Variants in XRCC4 observed in about 807,000 individuals in gnomAD.
XRCC4 encodes X-ray repair cross complementing 4.
A neutral mutation model predicts 39.1 loss-of-function variants in XRCC4; 28 were observed. That is an observed-to-expected ratio of 0.72 (90% CI 0.53 to 0.98). The LOEUF (loss-of-function observed/expected upper bound fraction) is 0.98, where lower values mean the gene tolerates loss of function less well. Among genes scored for constraint, XRCC4 ranks in the 50% least tolerant of loss-of-function variants. The probability of loss-of-function intolerance (pLI) is 0.00; values close to 1 mark genes in which losing one functional copy is unlikely to be tolerated. For synonymous variants in XRCC4, 123 were observed against 126.4 expected, an observed-to-expected ratio of 0.97 and a Z score of 0.18; for missense variants, 350 against 376.4, an observed-to-expected ratio of 0.93 and a Z score of 0.58.
At chr5:83,192,929 T>C (rs1233173399) in intron 3 of XRCC4, among the ~76,000 whole-genome samples, 1 of 152,182 alleles carries the variant, frequency 6.6e-6, no homozygotes, top group Non-Finnish European at 1.5e-5. Context: ...ACAGTAACCT[T>C]ATATGTCAAA....
chr5:83,367,050 C>A, the XRCC4 span, among the ~76,000 whole-genome samples: 1 of 152,168 alleles, frequency 6.6e-6, no homozygotes, highest in African/African-American at 2.4e-5. Flanking sequence ...TTCTCTCCTA[C>A]AACTTTGTTG....
rs571802418 is a variant in XRCC4 at position 83,120,737 on chromosome 5, A to G, written c.315+9534A>G. Reference sequence around the variant, plus strand: ...TGACATGAATAAAGCAGCTATATACATTCATGTCTAAATCTTTTTGTGGGT... The same window carrying G: ...TGACATGAATAAAGCAGCTATATACGTTCATGTCTAAATCTTTTTGTGGGT... On this transcript the variant is annotated intron_variant, in intron 3 of 7. Coordinates refer to ENST00000396027, the MANE Select transcript of XRCC4 (RefSeq NM_003401.5). Among the ~76,000 whole-genome samples, 14 of 152,334 alleles carry G rather than the reference A, an allele frequency of 9.2e-5. 1 individual carries two copies. The South Asian group carries it at 2.3e-3, about 25-fold the overall frequency.
intron 7 of XRCC4, among the ~76,000 whole-genome samples, chr5:83,312,981 T>C (rs2112099837): frequency 6.6e-6 from 1 of 152,212 alleles, no homozygotes; most frequent in Admixed American, 6.5e-5. Flanking sequence ...GATGCTGAGT[T>C]GGCACTCAAA....
chr5:83,130,012 G>A (rs1297852083), intron 3 of XRCC4, among the ~76,000 whole-genome samples: 1 of 152,138 alleles, frequency 6.6e-6, no homozygotes, highest in Admixed American at 6.5e-5. Context: ...GTGTTGAATA[G>A]GGGTGGTAAG....
intron 3 of XRCC4, among the ~76,000 whole-genome samples, chr5:83,180,028 C>T (rs1320958999): frequency 6.6e-6 from 1 of 152,066 alleles, no homozygotes; most frequent in African/African-American, 2.4e-5. Context: ...AGTTAAAGGG[C>T]CTTACCAGGA....
intron 1 of XRCC4, among the ~76,000 whole-genome samples, chr5:83,090,102 G>A (rs1745354029): frequency 6.6e-6 from 1 of 152,140 alleles, no homozygotes; most frequent in Non-Finnish European, 1.5e-5. Flanking sequence ...CCAGGTTGGA[G>A]TGCAGGTAGC....
chr5:83,369,206 G>A, the XRCC4 span, among the ~76,000 whole-genome samples: 9 of 152,250 alleles, frequency 5.9e-5, no homozygotes, highest in East Asian at 1.9e-4. Context: ...GGGATACACC[G>A]TTAAAATACA....
intron 7 of XRCC4, among the ~76,000 whole-genome samples, chr5:83,316,280 A>G (rs1755879649): frequency 6.6e-6 from 1 of 152,186 alleles, no homozygotes; most frequent in African/African-American, 2.4e-5. Context: ...ACTCCTAGGA[A>G]GAAACTGCAT....
the XRCC4 span, among the ~76,000 whole-genome samples, chr5:83,364,451 T>C: frequency 6.6e-6 from 1 of 152,210 alleles, no homozygotes; most frequent in Non-Finnish European, 1.5e-5. Flanking sequence ...AAAAAATCTT[T>C]TATGAGTCAG....
intron 3 of XRCC4, among the ~76,000 whole-genome samples, chr5:83,117,967 A>G (rs1271308697): frequency 6.6e-6 from 1 of 151,278 alleles, no homozygotes; most frequent in Non-Finnish European, 1.5e-5. Flanking sequence ...GTTGTTCCCC[A>G]GTGAAGGAAG....
chr5:83,135,761 CTT>C (rs1348770891), intron 3 of XRCC4, among the ~76,000 whole-genome samples: 13 of 151,924 alleles, frequency 8.6e-5, no homozygotes, highest in Non-Finnish European at 1.9e-4. Flanking sequence ...CTTTCTAAGT[CTT>C]TTAAAATATA....
chr5:83,326,279 TG>T (rs1756257279), intron 7 of XRCC4, among the ~76,000 whole-genome samples: 1 of 152,088 alleles, frequency 6.6e-6, no homozygotes, highest in Non-Finnish European at 1.5e-5. Flanking sequence ...TGTCAATTTT[TG>T]CTTTTGTTGC....
chr5:83,338,182 T>C (rs955305365), intron 7 of XRCC4, among the ~76,000 whole-genome samples: 2 of 152,170 alleles, frequency 1.3e-5, no homozygotes, highest in Admixed American at 1.3e-4. Flanking sequence ...CCAAGGAAAT[T>C]TCAGCTGTAG....
At chr5:83,330,563 T>G (rs1756405036) in intron 7 of XRCC4, among the ~76,000 whole-genome samples, 1 of 151,960 alleles carries the variant, frequency 6.6e-6, no homozygotes, top group South Asian at 2.1e-4. Flanking sequence ...AGAGAATGAT[T>G]AATGCACAGT....
At chr5:83,077,977 A>G (rs1197786833) in intron 1 of XRCC4, 1 of 152,424 alleles carries the variant, frequency 6.6e-6, no homozygotes, top group East Asian at 1.9e-4. Flanking sequence ...GCATTTCCCC[A>G]GCACTGGCCT....
chr5:83,125,123 C>T (rs1282099681), intron 3 of XRCC4, among the ~76,000 whole-genome samples: 1 of 152,134 alleles, frequency 6.6e-6, no homozygotes, highest in Non-Finnish European at 1.5e-5. Context: ...TATTTGCCAT[C>T]TCTGTATCCC....
chr5:83,195,740 C>G, intron 3 of XRCC4, 30 bp from the exon 4 acceptor site: 1 of 1,517,792 alleles, frequency 6.6e-7, no homozygotes, highest in Non-Finnish European at 8.8e-7. Flanking sequence ...ATATTTTCCC[C>G]AAATTAACCA....
intron 3 of XRCC4, among the ~76,000 whole-genome samples, chr5:83,194,812 A>T (rs1750868841): frequency 6.6e-6 from 1 of 152,188 alleles, no homozygotes; most frequent in Non-Finnish European, 1.5e-5. Flanking sequence ...GCACAACAGC[A>T]TAGCATAGCA....
chr5:83,190,447 A>AT (rs1750643877), intron 3 of XRCC4, among the ~76,000 whole-genome samples: 1 of 152,200 alleles, frequency 6.6e-6, no homozygotes, highest in Non-Finnish European at 1.5e-5. Context: ...CTGCAACAAA[A>AT]TGAGATTCTA....
Sources: gnomAD v4.1 joint callset for allele counts (sites outside exome capture counted in the v4.1 genomes callset) on GRCh38, gnomAD v4.1.1 for gene constraint, MANE v1.5 for transcripts, NCBI Gene and HGNC (gene_info 2026-07-23, HGNC 2026-07-21) for gene names.